Variants in PDE3B observed in about 807,000 individuals in gnomAD.
PDE3B encodes phosphodiesterase 3B, also known as cGMP-inhibited 3',5'-cyclic phosphodiesterase 3B.
A neutral mutation model predicts 116.8 loss-of-function variants in PDE3B; 66 were observed. That is an observed-to-expected ratio of 0.56 (90% CI 0.46 to 0.69). The LOEUF (loss-of-function observed/expected upper bound fraction) is 0.69. Among genes scored for constraint, PDE3B ranks in the 30% least tolerant of loss-of-function variants. The pLI is 0.00. For missense variants in PDE3B, 1,384 were observed against 1,368.1 expected (o/e 1.01, Z -0.18); for synonymous variants, 595 against 533.6 (o/e 1.12, Z -1.59).
At chr11:14,883,260 A>G in the PDE3B span, among the ~76,000 whole-genome samples, 2 of 151,898 alleles carry the variant, frequency 1.3e-5, no homozygotes, top group Admixed American at 6.5e-5. Context: ...AGCTGGAGGC[A>G]TCACGCTACC....
At chr11:14,723,163 G>C (rs142547648) in intron 1 of PDE3B, among the ~76,000 whole-genome samples, 2 of 152,198 alleles carry the variant, frequency 1.3e-5, no homozygotes, top group African/African-American at 2.4e-5. Context: ...AGTCCTTACA[G>C]AATTGTATTG....
chr11:14,812,209 C>A (rs930596797), intron 5 of PDE3B, among the ~76,000 whole-genome samples: 2 of 152,014 alleles, frequency 1.3e-5, no homozygotes, highest in African/African-American at 4.8e-5. Context: ...CTGTGGATTT[C>A]TAAAATTCAG....
At chr11:14,665,452 C>T (rs951247378) in intron 1 of PDE3B, among the ~76,000 whole-genome samples, 1 of 152,116 alleles carries the variant, frequency 6.6e-6, no homozygotes, top group African/African-American at 2.4e-5. Context: ...AAAGGGTATT[C>T]AATTAGGAAA....
chr11:14,725,119 C>T (rs1458569091), intron 1 of PDE3B, among the ~76,000 whole-genome samples: 1 of 152,136 alleles, frequency 6.6e-6, no homozygotes, highest in Non-Finnish European at 1.5e-5. Flanking sequence ...GAACTTCCTT[C>T]TTTTTAGCCA....
intron 1 of PDE3B, among the ~76,000 whole-genome samples, chr11:14,743,746 T>A (rs1366889369): frequency 6.6e-6 from 1 of 152,176 alleles, no homozygotes; most frequent in East Asian, 1.9e-4. Flanking sequence ...GGGAAATGCG[T>A]ACTATCTGGG....
downstream of PDE3B, among the ~76,000 whole-genome samples, chr11:14,873,925 C>G (rs1335659815): frequency 6.6e-6 from 1 of 152,076 alleles, no homozygotes. Context: ...TGGTGGTTCA[C>G]GCTGCAATCC....
chr11:14,713,962 T>C (rs1855789731), intron 1 of PDE3B, among the ~76,000 whole-genome samples: 1 of 152,184 alleles, frequency 6.6e-6, no homozygotes, highest in Admixed American at 6.5e-5. Context: ...TTCTACTGTT[T>C]TTTTGCATTT....
At position 14,859,150 on chromosome 11, in the gene PDE3B, T is replaced by C. The variant is rs541381244; in HGVS notation, c.2628T>C (p.His876=). Residue 876 remains histidine, a synonymous_variant, in exon 13 of 16, where the codon CAT becomes CAC. Coordinates refer to ENST00000282096, the MANE Select transcript of PDE3B (RefSeq NM_000922.4). The part of the protein sequence containing the change: ...PEYNFLLHLD[H]VEFKRFRFLV... ...ACAACTTCCTTCTTCATCTTGATCA[T>C]GTGGAATTCAAGCGCTTTCGTTTTT... The C allele has an allele frequency of 1.9e-6, 3 of 1,613,612 alleles. No homozygotes were observed. In the African/African-American group the frequency reaches 4.0e-5, roughly 22 times the overall value.
intron 1 of PDE3B, among the ~76,000 whole-genome samples, chr11:14,738,002 T>A (rs1160446234): frequency 6.6e-6 from 1 of 152,194 alleles, no homozygotes; most frequent in Admixed American, 6.5e-5. Flanking sequence ...CCACATTTTC[T>A]TAATCCAGTC....
At chr11:14,880,174 C>T in the PDE3B span, 1 of 1,612,790 alleles carries the variant, frequency 6.2e-7, no homozygotes. Flanking sequence ...AAGAATCGCC[C>T]ACCGTAGCAC....
intron 1 of PDE3B, among the ~76,000 whole-genome samples, chr11:14,675,235 T>C (rs1854496352): frequency 6.6e-6 from 1 of 152,112 alleles, no homozygotes; most frequent in Admixed American, 6.6e-5. Flanking sequence ...GAGAGGTAAC[T>C]TTTTTTTCTG....
At chr11:14,653,796 C>T (rs1282942252) in intron 1 of PDE3B, among the ~76,000 whole-genome samples, 1 of 151,692 alleles carries the variant, frequency 6.6e-6, no homozygotes, top group Admixed American at 6.6e-5. Context: ...TCCAGAAGTT[C>T]GAGACCAGCC....
the PDE3B span, among the ~76,000 whole-genome samples, chr11:14,893,608 A>G: frequency 6.6e-6 from 1 of 152,166 alleles, no homozygotes; most frequent in Non-Finnish European, 1.5e-5. Flanking sequence ...GGCTGCCCAC[A>G]TTCCTTGGCT....
intron 3 of PDE3B, 140 bp downstream of exon 3, chr11:14,786,825 G>T: frequency 1.6e-6 from 1 of 623,122 alleles, no homozygotes; most frequent in Non-Finnish European, 2.8e-6. Flanking sequence ...GATGTTAGAG[G>T]CAATTATAAG....
chr11:14,782,639 C>G (rs552578330), intron 2 of PDE3B, among the ~76,000 whole-genome samples: 2 of 152,278 alleles, frequency 1.3e-5, no homozygotes, highest in African/African-American at 4.8e-5. Flanking sequence ...AAACGTTAGA[C>G]CTAAAACCGT....
rs1332308744 is a variant in PDE3B at position 14,870,263 on chromosome 11, T to C, written c.*603T>C. On this transcript the variant is annotated 3_prime_UTR_variant, in exon 16 of 16. Transcript: ENST00000282096. This position sits in a 1 kb window ranked among gnomAD's most constrained non-coding sequence, Gnocchi z 4.1. ...TTTGTTGTATTTAACAAAATCCAGG[T>C]GCATCAATTTCTGATGCTTTTTACT... The C allele has an allele frequency of 6.6e-6, 1 of 152,538 alleles. No individual in the cohort carries two copies. The highest frequency in any genetic ancestry group is 1.5e-5 in the Non-Finnish European group (1 of 68,058). 9.4% of individuals were successfully genotyped at this position (152,538 alleles called of 1,614,324 possible).
In PDE3B at chr11:14,644,170, T is replaced by G. The variant is rs1021065471; in HGVS notation, c.95T>G (p.Val32Gly). 5.0e-6 allele frequency: 8 copies of G among 1,595,420 alleles called. No individual in the cohort carries two copies. The African/African-American group carries it at 9.5e-5, about 19-fold the overall frequency. ...SPPESLRNGY[V>G]KSCVSPLRQD... is the part of the protein sequence containing the mutation. ...CCCGAGAGTCTGAGGAACGGCTACG[T>G]GAAGAGCTGCGTGAGCCCCTTGCGG... The change falls in exon 1 of 16, where the codon GTG becomes GGG. Residue 32 changes from valine to glycine, a missense_variant. Coordinates refer to ENST00000282096, the MANE Select transcript of PDE3B (RefSeq NM_000922.4).
intron 1 of PDE3B, among the ~76,000 whole-genome samples, chr11:14,763,824 T>C (rs1857423933): frequency 6.6e-6 from 1 of 152,118 alleles, no homozygotes; most frequent in Non-Finnish European, 1.5e-5. Context: ...TTATTACCAT[T>C]TTAGCATAGT....
intron 12 of PDE3B, among the ~76,000 whole-genome samples, chr11:14,848,935 C>A (rs919093265): frequency 6.6e-6 from 1 of 152,052 alleles, no homozygotes; most frequent in Non-Finnish European, 1.5e-5. Flanking sequence ...AGATTCAATG[C>A]CATCCCCATC....
Sources: gnomAD v4.1 joint callset for allele counts (sites outside exome capture counted in the v4.1 genomes callset) on GRCh38, gnomAD v4.1.1 for gene constraint, Gnocchi (gnomAD v3.1) non-coding constraint, MANE v1.5 for transcripts, NCBI Gene and HGNC (gene_info 2026-07-23, HGNC 2026-07-21) for gene names.